COL25A1: variants seen among roughly 807,000 people sequenced by gnomAD.
The protein encoded by COL25A1 is collagen type XXV alpha 1 chain.
In COL25A1, 103 loss-of-function variants were observed where a neutral mutation model predicts 128.4. The ratio of observed to expected loss-of-function variants is 0.80; its 90% CI spans 0.68 to 0.94. The LOEUF is 0.94. Among genes scored for constraint, COL25A1 ranks in the 40% least tolerant of loss-of-function variants. The pLI is 0.00. For missense variants in COL25A1, 745 were observed against 840.0 expected (o/e 0.89, Z 1.40); for synonymous variants, 279 against 277.2 (o/e 1.01, Z -0.06).
intron 6 of COL25A1, among the ~76,000 whole-genome samples, chr4:108,987,414 C>T (rs10020205): frequency 0.79 from 119,863 of 151,134 alleles, 48,725 homozygotes; most frequent in East Asian, 1. Flanking sequence ...CTCGCTCTGT[C>T]GCCCAGGCTG....
intron 3 of COL25A1, among the ~76,000 whole-genome samples, chr4:109,225,106 CAG>C: frequency 6.6e-6 from 1 of 152,182 alleles, no homozygotes; most frequent in Non-Finnish European, 1.5e-5. Context: ...CTTTAAGAAA[CAG>C]AGCACTCAGC....
intron 3 of COL25A1, among the ~76,000 whole-genome samples, chr4:109,256,553 A>C (rs1330831097): frequency 6.6e-6 from 1 of 152,204 alleles, no homozygotes; most frequent in Non-Finnish European, 1.5e-5. Flanking sequence ...TGATTAAACA[A>C]GTTTTAGTTC....
At chr4:108,813,982 T>TA in intron 37 of COL25A1, 53 bp from the exon 38 acceptor site, 2 of 1,377,710 alleles carry the variant, frequency 1.5e-6, no homozygotes, top group Non-Finnish European at 2.0e-6. Context: ...AGTCTTGAAT[T>TA]AAAATTTTAA....
At chr4:108,987,926 C>T (rs1017324064) in intron 6 of COL25A1, among the ~76,000 whole-genome samples, 3 of 152,194 alleles carry the variant, frequency 2.0e-5, no homozygotes, top group Non-Finnish European at 2.9e-5. Flanking sequence ...TTTCTGAACT[C>T]CTAAAACACT....
intron 13 of COL25A1, among the ~76,000 whole-genome samples, chr4:108,903,302 C>A (rs1211720301): frequency 6.6e-6 from 1 of 151,926 alleles, no homozygotes; most frequent in African/African-American, 2.4e-5. Context: ...TTCATTTTGT[C>A]CTGTCTCCTT....
chr4:109,266,518 G>A (rs1377234835), intron 3 of COL25A1, among the ~76,000 whole-genome samples: 2 of 152,024 alleles, frequency 1.3e-5, no homozygotes, highest in Non-Finnish European at 2.9e-5. Context: ...TATGTTGTTG[G>A]CACTAAACCT....
intron 3 of COL25A1, among the ~76,000 whole-genome samples, chr4:109,085,027 T>C (rs3113694): frequency 0.27 from 41,022 of 152,034 alleles, 7,130 homozygotes; most frequent in African/African-American, 0.47. Flanking sequence ...CCAGATGTCA[T>C]AGCAGAATTT....
At chr4:109,008,794 T>C (rs1011134432) in intron 6 of COL25A1, among the ~76,000 whole-genome samples, 11 of 152,068 alleles carry the variant, frequency 7.2e-5, no homozygotes, top group African/African-American at 2.7e-4. Flanking sequence ...AATAATACTT[T>C]CCAAGGCTGT....
intron 8 of COL25A1, among the ~76,000 whole-genome samples, chr4:108,966,673 A>T (rs1467769643): frequency 6.6e-6 from 1 of 151,966 alleles, no homozygotes; most frequent in Non-Finnish European, 1.5e-5. Flanking sequence ...AACATGATGA[A>T]ACCCTGTCTC....
At chr4:109,233,499 A>G (rs537581003) in intron 3 of COL25A1, among the ~76,000 whole-genome samples, 45 of 149,778 alleles carry the variant, frequency 3.0e-4, no homozygotes, top group African/African-American at 1.1e-3. Context: ...TATTGGAAAA[A>G]GTCATATCTA....
intron 3 of COL25A1, among the ~76,000 whole-genome samples, chr4:109,169,402 A>G (rs868420961): frequency 2.6e-5 from 4 of 152,166 alleles, no homozygotes; most frequent in Non-Finnish European, 4.4e-5. Context: ...TATGACTCAT[A>G]TTTGTGTGTA....
intron 8 of COL25A1, among the ~76,000 whole-genome samples, chr4:108,949,161 C>T (rs1329269688): frequency 6.6e-6 from 1 of 152,088 alleles, no homozygotes; most frequent in Non-Finnish European, 1.5e-5. Context: ...AAAAATAAAA[C>T]TGTATTGATT....
At chr4:109,149,410 G>T (rs866744638) in intron 3 of COL25A1, among the ~76,000 whole-genome samples, 13 of 152,080 alleles carry the variant, frequency 8.5e-5, no homozygotes, top group Middle Eastern at 3.4e-3. Flanking sequence ...TAAGATGGGG[G>T]TCTTACTGTG....
chr4:109,060,251 A>G (rs1352088560), intron 3 of COL25A1, among the ~76,000 whole-genome samples: 1 of 152,176 alleles, frequency 6.6e-6, no homozygotes, highest in Non-Finnish European at 1.5e-5. Flanking sequence ...GCTACTTAGG[A>G]GATATTTAGT....
intron 3 of COL25A1, among the ~76,000 whole-genome samples, chr4:109,193,614 G>A (rs74812145): frequency 1.6e-4 from 25 of 152,260 alleles, no homozygotes; most frequent in African/African-American, 5.3e-4. Flanking sequence ...AAATACAGAG[G>A]TGATTTCATC....
chr4:108,902,582 A>G (rs758982415), intron 13 of COL25A1, among the ~76,000 whole-genome samples: 1 of 152,020 alleles, frequency 6.6e-6, no homozygotes, highest in Non-Finnish European at 1.5e-5. Flanking sequence ...TAACCTACAT[A>G]GAGATGATTT....
At chr4:108,877,974 AATG>A (rs927827224) in intron 19 of COL25A1, among the ~76,000 whole-genome samples, 1 of 152,218 alleles carries the variant, frequency 6.6e-6, no homozygotes, top group Non-Finnish European at 1.5e-5. Context: ...CAATTTACAT[AATG>A]ATGAGAAGAA....
chr4:108,839,826 A>C (rs1335334321), intron 31 of COL25A1, among the ~76,000 whole-genome samples: 1 of 152,210 alleles, frequency 6.6e-6, no homozygotes, highest in Admixed American at 6.5e-5. Flanking sequence ...AGAAATCAAA[A>C]GCATCTTGGG....
At chr4:109,027,445 G>C (rs35628414) in intron 5 of COL25A1, among the ~76,000 whole-genome samples, 74,909 of 151,542 alleles carry the variant, frequency 0.49, 21,080 homozygotes, top group African/African-American at 0.76. Flanking sequence ...GGAGATCAGA[G>C]AGACTTTGCA....
Sources: gnomAD v4.1 joint callset for allele counts (sites outside exome capture counted in the v4.1 genomes callset) on GRCh38, gnomAD v4.1.1 for gene constraint, MANE v1.5 for transcripts, NCBI Gene and HGNC (gene_info 2026-07-23, HGNC 2026-07-21) for gene names.